BTBD8: variants seen among roughly 807,000 people sequenced by gnomAD.
The protein encoded by BTBD8 is BTB/POZ domain-containing protein 8.
BTBD8 carries 110 observed loss-of-function variants against 162.9 expected under a neutral mutation model. The ratio of observed to expected loss-of-function variants is 0.68; its 90% CI spans 0.58 to 0.79. The LOEUF (loss-of-function observed/expected upper bound fraction) is 0.79, where lower values mean the gene tolerates loss of function less well. Ranked by LOEUF, BTBD8 falls within the 30% of genes least tolerant of loss-of-function variation. BTBD8 has a pLI of 0.00. For missense variants in BTBD8, 1,905 were observed against 2,085.4 expected (o/e 0.91, Z 1.68); for synonymous variants, 667 against 716.1 (o/e 0.93, Z 1.10).
At chr1:92,140,055 A>C (rs1649736214) in intron 6 of BTBD8, 1 of 143,626 alleles carries the variant, frequency 7.0e-6, no homozygotes, top group South Asian at 2.3e-4. Context: ...GGTTGCAGTG[A>C]GCCAAGATCA....
intron 9 of BTBD8, among the ~76,000 whole-genome samples, chr1:92,152,778 T>C (rs867550269): frequency 1.6e-4 from 24 of 152,130 alleles, no homozygotes; most frequent in Middle Eastern, 3.2e-3. Flanking sequence ...AATTAGGTCC[T>C]TGTAAGCTTT....
chr1:92,102,505 A>T lies in BTBD8; in HGVS notation c.380A>T (p.Asn127Ile). The change falls in exon 3 of 18, where the codon AAC (asparagine) becomes ATC (isoleucine). Residue 127 changes from asparagine to isoleucine, a missense_variant. By Grantham distance (149) the Asn-to-Ile change is moderately radical. Transcript: ENST00000636805. ...TATTCATCAAACAGAAACATAAAAA[A>T]CTATGAAGAGGAAATTCTTAGGAAA... ...IIYSSNRNIK[N>I]YEEEILRKKI... 1 of 1,555,066 alleles carries T rather than the reference A, an allele frequency of 6.4e-7. No homozygotes were observed. Among genetic ancestry groups the T allele is most frequent in the East Asian group, 2.3e-5 (1 of 43,462 alleles).
intron 7 of BTBD8, among the ~76,000 whole-genome samples, chr1:92,142,651 C>A (rs991000692): frequency 1.7e-4 from 26 of 152,140 alleles, no homozygotes; most frequent in African/African-American, 6.3e-4. Flanking sequence ...AGGAGGAGGA[C>A]CTTAATGGTT....
At chr1:92,081,781 C>T (rs1323429738) in intron 1 of BTBD8, among the ~76,000 whole-genome samples, 1 of 152,136 alleles carries the variant, frequency 6.6e-6, no homozygotes, top group Non-Finnish European at 1.5e-5. Context: ...ATCATGTTGG[C>T]CAGGCTAGTC....
chr1:92,151,981 C>T (rs1382990573), intron 9 of BTBD8, among the ~76,000 whole-genome samples: 1 of 152,036 alleles, frequency 6.6e-6, no homozygotes, highest in Non-Finnish European at 1.5e-5. Context: ...TTATAGAGCT[C>T]CACAAAATAC....
chr1:92,147,696 G>A lies in BTBD8; in HGVS notation c.1032G>A (p.Lys344=), dbSNP rs139460683. The change falls in exon 9 of 18, where the codon AAG becomes AAA. Residue 344 remains lysine (K), a synonymous_variant. Transcript: ENST00000636805. ...TTTATTTTAACAGGTGGATTGTAAA[G>A]CATTTTGCAAGGTTTTGGTCTGAGA... ...LFADCMKWIV[K]HFARFWSERS... 2.9e-3 allele frequency: 4,691 copies of A among 1,607,862 alleles called. 14 individuals are homozygous for A. Among genetic ancestry groups the A allele is most frequent in the Non-Finnish European group, 3.6e-3 (4,232 of 1,178,210 alleles).
chr1:92,141,190 T>A lies in BTBD8; in HGVS notation c.909T>A (p.Asp303Glu). 2 of 1,583,740 alleles carry A rather than the reference T, an allele frequency of 1.3e-6. No individual in the cohort carries two copies. Among genetic ancestry groups the A allele is most frequent in the Non-Finnish European group, 1.7e-6 (2 of 1,162,358 alleles). ...KEVAIYILRR[D>E]YCNFFQKPVP... ...TAGCAATCTATATTTTAAGAAGAGATTACTGTAATTTCTTTCAGAAGGTAA... is the reference window on the plus strand; with the variant it reads ...TAGCAATCTATATTTTAAGAAGAGAATACTGTAATTTCTTTCAGAAGGTAA... Residue 303 changes from aspartate to glutamate, a missense_variant, in exon 7 of 18, where the codon GAT becomes GAA. Asp to Glu is a conservative substitution (Grantham distance 45). Transcript: ENST00000636805.
chr1:92,139,528 T>C (rs757795277), intron 6 of BTBD8, 98 bp downstream of exon 6: 2 of 1,479,202 alleles, frequency 1.4e-6, no homozygotes, highest in South Asian at 2.9e-5. Flanking sequence ...ACTTTGCTTT[T>C]TATAGTCTAT....
Position 92,162,938 on chromosome 1 carries a change from A to G in BTBD8, c.1123-4020A>G, listed in dbSNP as rs139946891. Among the ~76,000 whole-genome samples, 48 of 152,340 alleles carry G rather than the reference A, an allele frequency of 3.2e-4. 1 individual carries two copies. In the East Asian group the frequency reaches 9.3e-3, roughly 29 times the overall value. On this transcript the variant is annotated intron_variant, in intron 9 of 17. Transcript: ENST00000636805. The stretch of plus-strand genomic sequence containing the variant: ...ACTGGAAACAATGTAAATGTCTTTA[A>G]GTAGAGGACTGGTTAAATGACTTGT...
rs1400420125 is a variant in BTBD8 at position 92,183,852 on chromosome 1, G to T, written c.4913-12G>T. On this transcript the variant is annotated splice_polypyrimidine_tract_variant and intron_variant, in intron 17 of 17. Coordinates refer to ENST00000636805, the MANE Select transcript of BTBD8 (RefSeq NM_001376131.1). The stretch of plus-strand genomic sequence containing the variant: ...CAATTTTTACATTGTGTAGTATTAT[G>T]AATTATTTCAGGAGACATAGATGAT... The T allele has an allele frequency of 2.0e-6, 3 of 1,526,034 alleles. No individual in the cohort carries two copies. The South Asian group carries it at 3.6e-5, about 19-fold the overall frequency. 94.5% of individuals were successfully genotyped at this position (1,526,034 alleles called of 1,614,324 possible). A position where few individuals can be genotyped will look rare whatever the true frequency, so the allele number is the denominator to read the frequency against.
chr1:92,146,628 A>AC (rs1649928571), intron 7 of BTBD8, among the ~76,000 whole-genome samples: 1 of 151,466 alleles, frequency 6.6e-6, no homozygotes, highest in Non-Finnish European at 1.5e-5. Flanking sequence ...CTCCCCATTA[A>AC]CCCCCAGCAA....
chr1:92,138,814 G>C (rs1050323141), intron 5 of BTBD8, among the ~76,000 whole-genome samples: 1 of 152,140 alleles, frequency 6.6e-6, no homozygotes, highest in Non-Finnish European at 1.5e-5. Flanking sequence ...TTGAGATATG[G>C]CACTCAATTG....
At chr1:92,116,871 A>T (rs10875205) in intron 4 of BTBD8, among the ~76,000 whole-genome samples, 93,478 of 144,768 alleles carry the variant, frequency 0.65, 30,166 homozygotes, top group East Asian at 0.97. Flanking sequence ...TTTTTTTTTT[A>T]TTGGATCACT....
At position 92,167,215 on chromosome 1, in the gene BTBD8, A is replaced by G. The variant is rs1473270396; in HGVS notation, c.1305+75A>G. 28 of 1,493,066 alleles carry G rather than the reference A, an allele frequency of 1.9e-5. No homozygotes were observed. In the Admixed American group the frequency reaches 5.8e-4, roughly 31 times the overall value. 92.5% of individuals were successfully genotyped at this position (1,493,066 alleles called of 1,614,324 possible). ...ATTTCAATTATGTAAGAGCTTTTAA[A>G]TGCAGGTTGCTTTTGATTAAATTAA... is the stretch of plus-strand genomic sequence containing the variant. On this transcript the variant is annotated intron_variant, in intron 10 of 17. Coordinates refer to ENST00000636805, the MANE Select transcript of BTBD8 (RefSeq NM_001376131.1).
At chr1:92,150,922 C>G (rs753429203) in intron 9 of BTBD8, 1 of 152,120 alleles carries the variant, frequency 6.6e-6, no homozygotes, top group South Asian at 2.1e-4. Context: ...TCACGAACCT[C>G]CTATGTATAT....
intron 9 of BTBD8, among the ~76,000 whole-genome samples, chr1:92,148,852 G>A (rs1221687588): frequency 6.6e-6 from 1 of 152,206 alleles, no homozygotes; most frequent in Non-Finnish European, 1.5e-5. Flanking sequence ...TTGATAGATT[G>A]AGCCTATCAA....
intron 4 of BTBD8, among the ~76,000 whole-genome samples, chr1:92,118,902 C>CTGTGTG (rs146570106): frequency 4.9e-5 from 7 of 144,230 alleles, no homozygotes; most frequent in African/African-American, 7.9e-5. Context: ...GTGTGTGTGT[C>CTGTGTG]TGTGTGTGTG....
intron 1 of BTBD8, among the ~76,000 whole-genome samples, chr1:92,081,580 T>TG (rs1444626957): frequency 6.7e-6 from 1 of 148,986 alleles, no homozygotes; most frequent in East Asian, 2.0e-4. Flanking sequence ...GCATTCTACT[T>TG]TTTTTTTTTT....
chr1:92,100,201 T>C (rs1421203405), intron 2 of BTBD8, among the ~76,000 whole-genome samples: 1 of 152,242 alleles, frequency 6.6e-6, no homozygotes, highest in Non-Finnish European at 1.5e-5. Flanking sequence ...TCATGGTTTA[T>C]AATCCCTTTT....
Sources: allele counts gnomAD v4.1 joint callset (sites outside exome capture counted in the v4.1 genomes callset), GRCh38; gene constraint gnomAD v4.1.1; transcripts MANE v1.5; gene names NCBI Gene and HGNC (gene_info 2026-07-23, HGNC 2026-07-21).